The following PTPRC variants were observed in gnomAD, a reference collection of about 807,000 sequenced individuals.
The protein encoded by PTPRC is protein tyrosine phosphatase receptor type C.
In PTPRC, 44 loss-of-function variants were observed where a neutral mutation model predicts 155.9. The ratio of observed to expected loss-of-function variants is 0.28; its 90% CI spans 0.22 to 0.36. The LOEUF is 0.36. PTPRC is among the 10% of genes least tolerant of loss of function. PTPRC has a pLI of 1.00. For missense variants in PTPRC, 1,401 were observed against 1,564.6 expected (o/e 0.90, Z 1.76); for synonymous variants, 525 against 533.1 (o/e 0.98, Z 0.21).
intron 20 of PTPRC, among the ~76,000 whole-genome samples, chr1:198,733,839 T>C (rs532602500): frequency 5.0e-4 from 76 of 151,920 alleles, no homozygotes; most frequent in African/African-American, 1.4e-3. Context: ...CTTGTTTAAA[T>C]AGTGGTAGAT....
At chr1:198,646,830 A>G (rs1401434076) in intron 2 of PTPRC, among the ~76,000 whole-genome samples, 1 of 151,912 alleles carries the variant, frequency 6.6e-6, no homozygotes, top group Non-Finnish European at 1.5e-5. Context: ...AGTAAAGAGA[A>G]GAATCAAGGT....
At chr1:198,714,878 T>G (rs1431419140) in intron 12 of PTPRC, among the ~76,000 whole-genome samples, 2 of 152,200 alleles carry the variant, frequency 1.3e-5, no homozygotes, top group Non-Finnish European at 2.9e-5. Flanking sequence ...ATTTAATTTT[T>G]TCAGTGTCTC....
At chr1:198,707,883 T>A (rs567056080) in intron 9 of PTPRC, among the ~76,000 whole-genome samples, 44 of 152,356 alleles carry the variant, frequency 2.9e-4, no homozygotes, top group African/African-American at 1.0e-3. Context: ...TTGCATTTCA[T>A]TTTTTAACGT....
chr1:198,682,533 G>T (rs891921853), intron 2 of PTPRC, among the ~76,000 whole-genome samples: 1 of 152,106 alleles, frequency 6.6e-6, no homozygotes, highest in African/African-American at 2.4e-5. Context: ...TACATAACTA[G>T]ATTAAATTCA....
At chr1:198,693,223 C>A (rs961694962) in intron 3 of PTPRC, 7 of 826,430 alleles carry the variant, frequency 8.5e-6, no homozygotes, top group Non-Finnish European at 8.8e-6. Context: ...AAACAAATAA[C>A]CATGAAAATA....
chr1:198,738,958 G>A lies in PTPRC; in HGVS notation c.2404-2911G>A, dbSNP rs138662810. Among the ~76,000 whole-genome samples, 298 of 151,730 alleles carry A rather than the reference G, an allele frequency of 2.0e-3. 2 individuals carry two copies. The highest frequency in any genetic ancestry group is 7.0e-3 in the African/African-American group (290 of 41,458). On this transcript the variant is annotated intron_variant, in intron 23 of 32. Transcript: ENST00000442510. Reference sequence around the variant, plus strand: ...TGTGGAGGAATGAAGTTAAAATATAGCATTTTCATTATATTACACTTTGCT... The same window carrying A: ...TGTGGAGGAATGAAGTTAAAATATAACATTTTCATTATATTACACTTTGCT...
chr1:198,735,865 G>T (rs1448862167), intron 23 of PTPRC, among the ~76,000 whole-genome samples: 1 of 151,518 alleles, frequency 6.6e-6, no homozygotes, highest in Non-Finnish European at 1.5e-5. Context: ...GAAATGGGGA[G>T]TGGCTGCAAA....
chr1:198,703,370 T>C lies in PTPRC; in HGVS notation c.656T>C (p.Ile219Thr), dbSNP rs1329107092. ...SGSAVISTTT[I>T]ATTPSKPTCD... Reference sequence around the variant, plus strand: ...AGCGCTGTCATTTCAACCACAACAATAGGTGATATTACCCTCAGTCAGGCA... The same window carrying C: ...AGCGCTGTCATTTCAACCACAACAACAGGTGATATTACCCTCAGTCAGGCA... The change falls in exon 7 of 33, where the codon ATA becomes ACA. Residue 219 changes from isoleucine (I) to threonine (T), a missense_variant and splice_region_variant. Ile to Thr is a moderately conservative substitution (Grantham distance 89). Transcript: ENST00000442510. The C allele has an allele frequency of 1.9e-6, 3 of 1,612,604 alleles. No homozygotes were observed. Among genetic ancestry groups the C allele is most frequent in the Non-Finnish European group, 2.5e-6 (3 of 1,180,030 alleles).
At chr1:198,642,960 CTT>C (rs1319535771) in intron 2 of PTPRC, among the ~76,000 whole-genome samples, 2 of 141,928 alleles carry the variant, frequency 1.4e-5, no homozygotes, top group Admixed American at 7.2e-5. Flanking sequence ...TTCTTTCTTT[CTT>C]TCTTTCTTTT....
chr1:198,645,549 G>A (rs1662895409), intron 2 of PTPRC, among the ~76,000 whole-genome samples: 1 of 151,650 alleles, frequency 6.6e-6, no homozygotes, highest in Non-Finnish European at 1.5e-5. Context: ...ATAAAGTGTT[G>A]TAAGCATTAA....
intron 11 of PTPRC, 127 bp from the exon 12 acceptor site, chr1:198,712,826 T>C (rs1653380984): frequency 5.5e-6 from 6 of 1,098,708 alleles, no homozygotes; most frequent in Non-Finnish European, 8.1e-6. Context: ...GATGCATTTC[T>C]TTAAATTTTA....
chr1:198,679,850 A>G, intron 2 of PTPRC: 1 of 594,686 alleles, frequency 1.7e-6, no homozygotes, highest in Non-Finnish European at 3.0e-6. Context: ...GTTAGGACCA[A>G]GGTGTAGAGT....
intron 2 of PTPRC, among the ~76,000 whole-genome samples, chr1:198,655,513 A>G (rs1663512873): frequency 6.6e-6 from 1 of 152,060 alleles, no homozygotes; most frequent in Non-Finnish European, 1.5e-5. Flanking sequence ...TGAATGTTGG[A>G]TTAGGCATTT....
intron 25 of PTPRC, among the ~76,000 whole-genome samples, chr1:198,743,314 A>T (rs183306246): frequency 1.2e-3 from 185 of 151,796 alleles, no homozygotes; most frequent in African/African-American, 4.4e-3. Flanking sequence ...TATGTGATTT[A>T]AAAAAAACAT....
At chr1:198,690,354 G>A (rs118100647) in intron 2 of PTPRC, among the ~76,000 whole-genome samples, 17 of 151,908 alleles carry the variant, frequency 1.1e-4, no homozygotes, top group East Asian at 1.9e-4. Flanking sequence ...TAAGGAGAGC[G>A]GAATGCTGTT....
At chr1:198,741,472 C>A (rs941267060) in intron 23 of PTPRC, among the ~76,000 whole-genome samples, 4 of 151,838 alleles carry the variant, frequency 2.6e-5, no homozygotes, top group Non-Finnish European at 5.9e-5. Context: ...TTTACCAAAT[C>A]ATTTTAAACA....
chr1:198,713,704 T>C (rs1653426125), intron 12 of PTPRC, among the ~76,000 whole-genome samples: 1 of 152,166 alleles, frequency 6.6e-6, no homozygotes, highest in Non-Finnish European at 1.5e-5. Flanking sequence ...ATTTAAAGTA[T>C]CTAAATTGTT....
At chr1:198,710,282 T>G (rs1015567999) in intron 11 of PTPRC, among the ~76,000 whole-genome samples, 4 of 152,198 alleles carry the variant, frequency 2.6e-5, no homozygotes, top group African/African-American at 9.7e-5. Flanking sequence ...TTCTGAACTT[T>G]CAGTTTTATT....
intron 2 of PTPRC, chr1:198,666,864 C>G (rs1664341093): frequency 6.6e-6 from 1 of 152,132 alleles, no homozygotes; most frequent in African/African-American, 2.4e-5. Context: ...CATCAGCCAG[C>G]TTTGTATTCA....
Sources: allele counts gnomAD v4.1 joint callset (sites outside exome capture counted in the v4.1 genomes callset), GRCh38; gene constraint gnomAD v4.1.1; transcripts MANE v1.5; gene names NCBI Gene and HGNC (gene_info 2026-07-23, HGNC 2026-07-21).